GRIP1: variants seen among roughly 807,000 people sequenced by gnomAD.
GRIP1 encodes the protein glutamate receptor interacting protein 1.
GRIP1 carries 45 observed loss-of-function variants against 129.9 expected under a neutral mutation model. That is an observed-to-expected ratio of 0.35 (90% CI 0.27 to 0.44). The LOEUF (loss-of-function observed/expected upper bound fraction) is 0.44, where lower values mean the gene tolerates loss of function less well. GRIP1 is among the 20% of genes least tolerant of loss of function. The pLI is 1.00. For missense variants in GRIP1, 1,196 were observed against 1,396.8 expected, an observed-to-expected ratio of 0.86 and a Z score of 2.29; for synonymous variants, 530 against 520.8, an observed-to-expected ratio of 1.02 and a Z score of -0.24.
rs188778795 is a variant in GRIP1 at position 66,907,598 on chromosome 12, G to C, written c.58+161452C>G. The stretch of plus-strand genomic sequence containing the variant: ...GTCAGGTAAAAGGAGGAGCAAGAGT[G>C]TTCCAGGAAGTGGGGGGTCAGCATT... On this transcript the variant is annotated intron_variant, in intron 1 of 1. Coordinates refer to the GRIP1 transcript ENST00000643019. 1.2e-3 allele frequency among the ~76,000 whole-genome samples: 178 copies of C among 152,250 alleles called. 2 individuals are homozygous for C. The highest frequency in any genetic ancestry group is 4.1e-3 in the African/African-American group (171 of 41,528).
rs528512031 is a variant in GRIP1, at chr12:66,870,742, A to G, written c.58+198308T>C. 5.9e-5 allele frequency among the ~76,000 whole-genome samples: 9 copies of G among 152,256 alleles called. No individual in the cohort carries two copies. In the East Asian group the frequency reaches 1.7e-3, roughly 29 times the overall value. On this transcript the variant is annotated intron_variant, in intron 1 of 1. Transcript: ENST00000643019. ...GCTATCACACTGGAAAGACTGGTAC[A>G]TGAACAACAGGATGTAAACTGTTTG...
chr12:66,791,475 T>C (rs2038532806), intron 1 of GRIP1, among the ~76,000 whole-genome samples: 1 of 152,128 alleles, frequency 6.6e-6, no homozygotes, highest in Non-Finnish European at 1.5e-5. Flanking sequence ...ACCATGGTTA[T>C]ACAGTTTTTT....
chr12:66,628,824 A>G (rs1193739541), intron 1 of GRIP1, among the ~76,000 whole-genome samples: 1 of 152,178 alleles, frequency 6.6e-6, no homozygotes, highest in Non-Finnish European at 1.5e-5. Flanking sequence ...ATCCGGCCCA[A>G]AATGTCAATA....
chr12:66,527,287 C>A (rs1213002012), intron 5 of GRIP1, among the ~76,000 whole-genome samples: 2 of 151,576 alleles, frequency 1.3e-5, no homozygotes, highest in African/African-American at 4.9e-5. Flanking sequence ...AAATGTCCAA[C>A]AATGATAGAC....
intron 5 of GRIP1, among the ~76,000 whole-genome samples, chr12:66,525,977 T>A (rs1180624031): frequency 3.2e-4 from 48 of 152,012 alleles, no homozygotes; most frequent in African/African-American, 1.0e-3. Context: ...CTTACAAGGG[T>A]TGTGAAGGAC....
intron 16 of GRIP1, among the ~76,000 whole-genome samples, chr12:66,404,803 G>A (rs769416795): frequency 6.6e-6 from 1 of 152,058 alleles, no homozygotes; most frequent in Non-Finnish European, 1.5e-5. Flanking sequence ...AGGCCGAGGT[G>A]GGCAGATCAC....
At chr12:66,752,714 T>C (rs2037166290) in intron 1 of GRIP1, among the ~76,000 whole-genome samples, 1 of 152,188 alleles carries the variant, frequency 6.6e-6, no homozygotes, top group South Asian at 2.1e-4. Flanking sequence ...GTGAAGCTGT[T>C]AGTAAATTAT....
At chr12:66,553,757 G>C (rs1234635689) in intron 2 of GRIP1, among the ~76,000 whole-genome samples, 1 of 151,978 alleles carries the variant, frequency 6.6e-6, no homozygotes, top group East Asian at 1.9e-4. Context: ...GGGAGGAAAA[G>C]TGCTGTGATT....
intron 1 of GRIP1, among the ~76,000 whole-genome samples, chr12:66,936,395 C>T (rs1392179600): frequency 6.1e-5 from 9 of 146,632 alleles, no homozygotes; most frequent in East Asian, 2.0e-4. Context: ...CACTGTACTC[C>T]GGCCTGTGTA....
chr12:66,842,332 G>C (rs2039734283), intron 1 of GRIP1, among the ~76,000 whole-genome samples: 2 of 151,742 alleles, frequency 1.3e-5, no homozygotes, highest in Non-Finnish European at 2.9e-5. Context: ...CAATACAATT[G>C]TATATTGGAA....
At chr12:66,897,798 A>C (rs1300876947) in intron 1 of GRIP1, among the ~76,000 whole-genome samples, 1 of 152,194 alleles carries the variant, frequency 6.6e-6, no homozygotes, top group Admixed American at 6.5e-5. Context: ...TACCTTTCTA[A>C]TGTTTCCTTG....
intron 1 of GRIP1, among the ~76,000 whole-genome samples, chr12:66,769,377 C>T (rs910151720): frequency 5.3e-5 from 8 of 152,076 alleles, no homozygotes; most frequent in African/African-American, 1.9e-4. Context: ...TGTGATTATG[C>T]TCCCTGAAGT....
In GRIP1 at chr12:66,347,897, CTATT is replaced by C. The variant is rs2054047723; in HGVS notation, c.*1118_*1121del. On this transcript the variant is annotated 3_prime_UTR_variant, in exon 25 of 25. Transcript: ENST00000359742. ...GAGAGTCTACCATCAATATACAGAT[CTATT>C]TATTTTTTTATGTTCACCAAATAAT... The C allele has an allele frequency of 6.6e-6, 1 of 152,004 alleles. No homozygotes were observed. The highest frequency in any genetic ancestry group is 2.4e-5 in the African/African-American group (1 of 41,366). 9.4% of individuals were successfully genotyped at this position (152,004 alleles called of 1,614,324 possible).
chr12:66,488,159 A>G (rs887276730), intron 7 of GRIP1, among the ~76,000 whole-genome samples: 1 of 152,202 alleles, frequency 6.6e-6, no homozygotes, highest in African/African-American at 2.4e-5. Context: ...TCTTCACACA[A>G]AAACAACAGA....
chr12:66,509,138 T>A (rs1477640270), intron 7 of GRIP1, among the ~76,000 whole-genome samples: 1 of 152,212 alleles, frequency 6.6e-6, no homozygotes, highest in East Asian at 1.9e-4. Flanking sequence ...ATCCAGAACA[T>A]GTCATTTCCA....
chr12:66,559,482 T>C (rs987039671), intron 2 of GRIP1, among the ~76,000 whole-genome samples: 8 of 152,114 alleles, frequency 5.3e-5, no homozygotes, highest in African/African-American at 1.9e-4. Context: ...TTCAGTGAAA[T>C]TGCAGAATAC....
chr12:66,801,366 G>A (rs1242914251), intron 1 of GRIP1, among the ~76,000 whole-genome samples: 3 of 152,100 alleles, frequency 2.0e-5, no homozygotes, highest in African/African-American at 7.2e-5. Flanking sequence ...AGTCAGAGGA[G>A]ATTTAAAATC....
intron 7 of GRIP1, among the ~76,000 whole-genome samples, chr12:66,473,782 A>G (rs1022214154): frequency 1.3e-5 from 2 of 152,234 alleles, no homozygotes; most frequent in African/African-American, 4.8e-5. Context: ...AAGGAATAGC[A>G]TCAACATCAA....
At chr12:66,590,882 C>T (rs2063827353) in intron 2 of GRIP1, among the ~76,000 whole-genome samples, 3 of 152,208 alleles carry the variant, frequency 2.0e-5, no homozygotes, top group African/African-American at 7.2e-5. Context: ...AGACAGAAAA[C>T]ATGTGGTCAA....
Sources: gnomAD v4.1 joint callset for allele counts (sites outside exome capture counted in the v4.1 genomes callset) on GRCh38, gnomAD v4.1.1 for gene constraint, MANE v1.5 for transcripts, NCBI Gene and HGNC (gene_info 2026-07-23, HGNC 2026-07-21) for gene names.